Variants in EPS15 observed in about 807,000 individuals in gnomAD.
EPS15 encodes epidermal growth factor receptor pathway substrate 15, also known as epidermal growth factor receptor substrate 15.
Under a neutral mutation model 113.8 loss-of-function variants are expected in EPS15, and 72 were observed. That is an observed-to-expected ratio of 0.63 (90% CI 0.52 to 0.77). EPS15 has a LOEUF of 0.77. Ranked by LOEUF, EPS15 falls within the 30% of genes least tolerant of loss-of-function variation. EPS15 has a pLI of 0.00. For synonymous variants in EPS15, 344 were observed against 363.4 expected, an observed-to-expected ratio of 0.95 and a Z score of 0.61; for missense variants, 1,048 against 1,045.8, an observed-to-expected ratio of 1.00 and a Z score of -0.03.
chr1:51,468,340 G>A, intron 5 of EPS15, 133 bp downstream of exon 5: 1 of 691,486 alleles, frequency 1.4e-6, no homozygotes, highest in Admixed American at 2.3e-5. Flanking sequence ...AGCCAGTAGG[G>A]GGAAAAAAGC....
intron 5 of EPS15, among the ~76,000 whole-genome samples, chr1:51,467,311 T>C (rs2148506657): frequency 6.6e-6 from 1 of 152,332 alleles, no homozygotes; most frequent in Non-Finnish European, 1.5e-5. Flanking sequence ...GAACAGCATT[T>C]CTACTTTTGG....
At chr1:51,463,014 CCA>C (rs1159704810) in intron 7 of EPS15, 1 of 151,460 alleles carries the variant, frequency 6.6e-6, no homozygotes, top group African/African-American at 2.4e-5. Context: ...GTAGCTGGGA[CCA>C]CAGACTGCGC....
intron 1 of EPS15, among the ~76,000 whole-genome samples, chr1:51,508,148 C>T (rs1329966347): frequency 2.1e-5 from 3 of 144,850 alleles, no homozygotes; most frequent in Non-Finnish European, 4.5e-5. Context: ...CACCATTGCA[C>T]TCCAGCCTGG....
chr1:51,356,834 C>G lies in EPS15; in HGVS notation c.2557G>C (p.Glu853Gln). 1.2e-6 allele frequency: 2 copies of G among 1,611,518 alleles called. No homozygotes were observed. Among genetic ancestry groups the G allele is most frequent in the Non-Finnish European group, 1.7e-6 (2 of 1,179,104 alleles). Residue 853 changes from glutamate to glutamine, a missense_variant, in exon 25 of 25, where the codon GAA becomes CAA. Coordinates refer to ENST00000371733, the MANE Select transcript of EPS15 (RefSeq NM_001981.3). ...CTCTTGGCCCATTCGATCATATCTT[C>G]TTCAGAGGGATACTGCCATTTAAAA... ...FANFSAYPSE[E>Q]DMIEWAKRES...
chr1:51,474,618 T>C (rs1269067447), intron 2 of EPS15, among the ~76,000 whole-genome samples: 1 of 152,186 alleles, frequency 6.6e-6, no homozygotes, highest in Non-Finnish European at 1.5e-5. Flanking sequence ...GCATAAGCCC[T>C]TTCTGAGACC....
chr1:51,470,601 C>G (rs1410675149), intron 4 of EPS15, among the ~76,000 whole-genome samples: 1 of 142,552 alleles, frequency 7.0e-6, no homozygotes, highest in Non-Finnish European at 1.5e-5. Flanking sequence ...GAGCCAAGAT[C>G]ACGCCACTGT....
intron 12 of EPS15, among the ~76,000 whole-genome samples, chr1:51,434,282 T>C (rs946487853): frequency 6.6e-6 from 1 of 152,164 alleles, no homozygotes; most frequent in African/African-American, 2.4e-5. Context: ...AGCTAAAATG[T>C]GGAAACAACC....
At chr1:51,487,577 CAAATT>C (rs1490149688) in intron 1 of EPS15, among the ~76,000 whole-genome samples, 2 of 151,992 alleles carry the variant, frequency 1.3e-5, no homozygotes, top group Non-Finnish European at 2.9e-5. Context: ...CCAAAGACAG[CAAATT>C]AAATATGTTC....
At chr1:51,389,482 G>A (rs1647196224) in intron 21 of EPS15, among the ~76,000 whole-genome samples, 1 of 152,226 alleles carries the variant, frequency 6.6e-6, no homozygotes, top group South Asian at 2.1e-4. Context: ...CATTAGGCAG[G>A]AGAAGGAAAT....
chr1:51,496,162 C>A (rs948551556), intron 1 of EPS15, among the ~76,000 whole-genome samples: 1 of 152,076 alleles, frequency 6.6e-6, no homozygotes, highest in East Asian at 1.9e-4. Flanking sequence ...TACTATTATA[C>A]CCATTTAACA....
chr1:51,393,740 A>G (rs527855243), intron 21 of EPS15, among the ~76,000 whole-genome samples: 74 of 152,318 alleles, frequency 4.9e-4, no homozygotes, highest in Middle Eastern at 3.4e-3. Flanking sequence ...GAACAGTAGA[A>G]AAGAAGCAGA....
intron 1 of EPS15, among the ~76,000 whole-genome samples, chr1:51,500,262 CA>C (rs957806038): frequency 6.6e-6 from 1 of 152,192 alleles, no homozygotes; most frequent in Non-Finnish European, 1.5e-5. Flanking sequence ...CACTGGTATA[CA>C]AATGTGTTCA....
At chr1:51,422,714 C>T (rs999292155) in intron 12 of EPS15, among the ~76,000 whole-genome samples, 6 of 152,256 alleles carry the variant, frequency 3.9e-5, no homozygotes, top group East Asian at 1.9e-4. Context: ...TGAAATCATG[C>T]GTGCACACGC....
intron 12 of EPS15, among the ~76,000 whole-genome samples, chr1:51,433,340 C>T (rs1257181727): frequency 2.0e-5 from 3 of 152,204 alleles, no homozygotes; most frequent in African/African-American, 7.2e-5. Flanking sequence ...TACTATGTTC[C>T]AAGCATTGCG....
chr1:51,431,767 C>A (rs1651757908), intron 12 of EPS15, among the ~76,000 whole-genome samples: 1 of 151,912 alleles, frequency 6.6e-6, no homozygotes, highest in Non-Finnish European at 1.5e-5. Context: ...ATTTATTTTG[C>A]AAATCCATAA....
At chr1:51,393,429 C>T (rs574584870) in intron 21 of EPS15, among the ~76,000 whole-genome samples, 4 of 152,310 alleles carry the variant, frequency 2.6e-5, no homozygotes, top group Admixed American at 6.5e-5. Context: ...AGGCTGGTCT[C>T]GACCTCAAGT....
chr1:51,492,147 C>A (rs979599554), intron 1 of EPS15, among the ~76,000 whole-genome samples: 1 of 152,036 alleles, frequency 6.6e-6, no homozygotes, highest in Non-Finnish European at 1.5e-5. Context: ...CTGTGCCTGG[C>A]CCTCATTTAA....
chr1:51,455,551 C>T (rs1213911527), intron 8 of EPS15, among the ~76,000 whole-genome samples: 1 of 151,872 alleles, frequency 6.6e-6, no homozygotes, highest in African/African-American at 2.4e-5. Context: ...AATCACACTA[C>T]CATACTCCAG....
intron 1 of EPS15, chr1:51,490,282 A>T (rs1032205043): frequency 2.5e-5 from 11 of 448,032 alleles, no homozygotes. Context: ...TACAATGTGG[A>T]AGGCCAGGCA....
Sources: gnomAD v4.1 joint callset for allele counts (sites outside exome capture counted in the v4.1 genomes callset) on GRCh38, gnomAD v4.1.1 for gene constraint, MANE v1.5 for transcripts, NCBI Gene and HGNC (gene_info 2026-07-23, HGNC 2026-07-21) for gene names.